The following UPP1 variants were observed in gnomAD, a reference collection of about 807,000 sequenced individuals.
UPP1 encodes UPase 1.
Under a neutral mutation model 29.6 loss-of-function variants are expected in UPP1, and 25 were observed. That is an observed-to-expected ratio of 0.85 (90% CI 0.62 to 1.18). The LOEUF (loss-of-function observed/expected upper bound fraction) is 1.18. Among genes scored for constraint, UPP1 ranks in the 50% most tolerant of loss-of-function variants. The probability of loss-of-function intolerance (pLI) is 0.00; values close to 1 mark genes in which losing one functional copy is unlikely to be tolerated. For synonymous variants in UPP1, 165 were observed against 159.8 expected (o/e 1.03, Z -0.25); for missense variants, 368 against 410.4 (o/e 0.90, Z 0.89).
intron 8 of UPP1, 129 bp downstream of exon 8, chr7:48,107,636 C>G (rs1050216013): frequency 2.7e-6 from 3 of 1,109,782 alleles, no homozygotes; most frequent in African/African-American, 1.6e-5. Context: ...CCGCTGCCCC[C>G]AAGTCACTTT....
In UPP1 at chr7:48,108,189, TGCCTTGATGTG is replaced by T; in HGVS notation, c.794-27_794-17del. ...GTGAAATGTTAGACCCCCGGCACCT[TGCCTTGATGTG>T]GTCTTTGTCCTTTGCAGCGGCCGTG... is the stretch of plus-strand genomic sequence containing the variant. On this transcript the variant is annotated intron_variant, in intron 8 of 8. Transcript: ENST00000395564. 6.3e-7 allele frequency: 1 copy of T among 1,596,376 alleles called. No individual in the cohort carries two copies. Among genetic ancestry groups the T allele is most frequent in the Non-Finnish European group, 8.6e-7 (1 of 1,167,682 alleles).
intron 4 of UPP1, 26 bp downstream of exon 4, chr7:48,099,813 G>A (rs1358266623): frequency 6.6e-7 from 1 of 1,525,772 alleles, no homozygotes; most frequent in African/African-American, 1.4e-5. Flanking sequence ...TTGACACCTT[G>A]GAATTTGCCT....
chr7:48,106,313 CTTTT>C (rs971830971), intron 6 of UPP1: 1 of 152,748 alleles, frequency 6.5e-6, no homozygotes, highest in Non-Finnish European at 1.5e-5. Flanking sequence ...TTATTTTATT[CTTTT>C]TTTTTTCTTT....
intron 4 of UPP1, among the ~76,000 whole-genome samples, chr7:48,100,470 G>C (rs1792362517): frequency 6.6e-6 from 1 of 152,140 alleles, no homozygotes; most frequent in South Asian, 2.1e-4. Context: ...ATTGTATTTT[G>C]TTTGTAATAT....
At chr7:48,106,325 T>C (rs1792732312) in intron 6 of UPP1, 1 of 154,598 alleles carries the variant, frequency 6.5e-6, no homozygotes, top group South Asian at 2.0e-4. Context: ...TTTTTTTTTC[T>C]TTCGAAATGG....
At chr7:48,106,095 G>T (rs1278983416) in intron 6 of UPP1, 1 of 152,262 alleles carries the variant, frequency 6.6e-6, no homozygotes, top group Non-Finnish European at 1.5e-5. Context: ...TGGGTTTAGG[G>T]TGTGGGACTT....
At chr7:48,107,263 C>A in intron 7 of UPP1, 98 bp from the exon 8 acceptor site, 1 of 1,497,970 alleles carries the variant, frequency 6.7e-7, no homozygotes, top group Non-Finnish European at 9.1e-7. Context: ...CTGGATGGGT[C>A]TTGCTTGTCC....
chr7:48,093,225 C>T (rs979419362), intron 2 of UPP1, among the ~76,000 whole-genome samples: 19 of 152,156 alleles, frequency 1.2e-4, no homozygotes, highest in African/African-American at 3.4e-4. Context: ...CTGTAGTTTT[C>T]CCTGGCATTC....
chr7:48,106,284 T>C (rs1475093494), intron 6 of UPP1: 2 of 155,436 alleles, frequency 1.3e-5, no homozygotes, highest in Non-Finnish European at 2.9e-5. Context: ...ACAAAGTACT[T>C]GAAGGTTCCT....
At chr7:48,107,792 C>CT (rs1792847874) in intron 8 of UPP1, among the ~76,000 whole-genome samples, 3 of 152,176 alleles carry the variant, frequency 2.0e-5, no homozygotes, top group African/African-American at 7.2e-5. Flanking sequence ...CTATAAAAAA[C>CT]TCGGCTTTCA....
At chr7:48,106,504 T>C (rs1792746986) in intron 6 of UPP1, 1 of 236,276 alleles carries the variant, frequency 4.2e-6, no homozygotes, top group African/African-American at 2.2e-5. Flanking sequence ...AGAGATGGGG[T>C]CTCACCATGT....
In UPP1 at chr7:48,107,375, G is replaced by A. The variant is rs1206224964; in HGVS notation, c.661G>A (p.Asp221Asn). The A allele has an allele frequency of 5.0e-6, 8 of 1,613,438 alleles. No individual in the cohort carries two copies. The highest frequency in any genetic ancestry group is 1.7e-4 in the Middle Eastern group (1 of 6,060). ...LDFYEGQGRL[D>N]GALCSYTEKD... ...GTGTGCCTCAGGGCAAGGCCGTCTGGATGGGGCTCTCTGCTCCTACACGGA... is the reference window on the plus strand; with the variant it reads ...GTGTGCCTCAGGGCAAGGCCGTCTGAATGGGGCTCTCTGCTCCTACACGGA... Residue 221 changes from aspartate (D) to asparagine (N), a missense_variant, in exon 8 of 9, where the codon GAT (aspartate) becomes AAT (asparagine). Transcript: ENST00000395564.
chr7:48,098,843 C>G (rs533294883), intron 3 of UPP1, among the ~76,000 whole-genome samples: 6 of 152,220 alleles, frequency 3.9e-5, no homozygotes, highest in Non-Finnish European at 4.4e-5. Context: ...GAAGGAGCTA[C>G]GTTTGAGGCT....
chr7:48,106,775 T>G, intron 6 of UPP1, 98 bp from the exon 7 acceptor site: 1 of 1,114,956 alleles, frequency 9.0e-7, no homozygotes, highest in South Asian at 1.4e-5. Flanking sequence ...GATCTGCTTC[T>G]TTCTTCCATA....
chr7:48,108,210 C>T lies in UPP1; in HGVS notation c.794-8C>T, dbSNP rs745535674. On this transcript the variant is annotated splice_polypyrimidine_tract_variant and splice_region_variant and intron_variant, in intron 8 of 8. Coordinates refer to ENST00000395564, the MANE Select transcript of UPP1 (RefSeq NM_003364.4). ...ACCTTGCCTTGATGTGGTCTTTGTC[C>T]TTTGCAGCGGCCGTGGTGTGTGTCA... 18 of 1,611,474 alleles carry T rather than the reference C, an allele frequency of 1.1e-5. No homozygotes were observed. Among genetic ancestry groups the T allele is most frequent in the Non-Finnish European group, 1.5e-5 (18 of 1,179,016 alleles).
intron 1 of UPP1, chr7:48,089,659 G>A (rs924466652): frequency 9.9e-5 from 15 of 152,228 alleles, no homozygotes; most frequent in African/African-American, 3.4e-4. Context: ...GAAGCGCGCG[G>A]GCGGGATGTG....
chr7:48,103,380 T>C lies in UPP1; in HGVS notation c.405T>C (p.Thr135=), dbSNP rs1459275640. ...LLYYARCSNV[T]IIRIGTSGGI... ...ACTATGCCCGGTGCTCCAACGTCACTATCATCCGCATTGGCACTTCTGGTG... is the reference window on the plus strand; with the variant it reads ...ACTATGCCCGGTGCTCCAACGTCACCATCATCCGCATTGGCACTTCTGGTG... Residue 135 remains threonine (T), a synonymous_variant, in exon 6 of 9, where the codon ACT becomes ACC. Transcript: ENST00000395564. 1 of 1,613,954 alleles carries C rather than the reference T, an allele frequency of 6.2e-7. No individual in the cohort carries two copies. Among genetic ancestry groups the C allele is most frequent in the Admixed American group, 1.7e-5 (1 of 60,030 alleles).
At chr7:48,102,454 A>G (rs1441499691) in intron 5 of UPP1, among the ~76,000 whole-genome samples, 2 of 152,164 alleles carry the variant, frequency 1.3e-5, no homozygotes, top group Non-Finnish European at 2.9e-5. Flanking sequence ...TTCAGTTTTG[A>G]TTTTGTCAGG....
rs1189118093 is a variant in UPP1, at chr7:48,103,226, A to G, written c.322-71A>G. On this transcript the variant is annotated intron_variant, in intron 5 of 8. Coordinates refer to ENST00000395564, the MANE Select transcript of UPP1 (RefSeq NM_003364.4). ...GGCATGTTAGATTGAATTACATCAC[A>G]TGAAACATCAGCCAGAACATTGACA... 7.7e-5 allele frequency: 89 copies of G among 1,160,112 alleles called. 1 individual carries two copies. The Admixed American group carries it at 9.4e-4, about 12-fold the overall frequency. 71.9% of individuals were successfully genotyped at this position (1,160,112 alleles called of 1,614,324 possible).
Sources: allele counts gnomAD v4.1 joint callset (sites outside exome capture counted in the v4.1 genomes callset), GRCh38; gene constraint gnomAD v4.1.1; transcripts MANE v1.5; gene names NCBI Gene and HGNC (gene_info 2026-07-23, HGNC 2026-07-21).